The following SSC4D variants were observed in gnomAD, a reference collection of about 807,000 sequenced individuals.
SSC4D encodes the protein scavenger receptor cysteine rich family member with 4 domains.
Under a neutral mutation model 63.4 loss-of-function variants are expected in SSC4D, and 57 were observed. The ratio of observed to expected loss-of-function variants is 0.90; its 90% confidence interval spans 0.73 to 1.12. The LOEUF is 1.12. Among genes scored for constraint, SSC4D ranks in the 50% most tolerant of loss-of-function variants. The pLI is 0.00. For missense variants in SSC4D, 791 were observed against 806.4 expected, an observed-to-expected ratio of 0.98 and a Z score of 0.23; for synonymous variants, 352 against 345.4, an observed-to-expected ratio of 1.02 and a Z score of -0.21.
intron 9 of SSC4D, among the ~76,000 whole-genome samples, chr7:76,392,812 A>G (rs1266305427): frequency 6.6e-6 from 1 of 151,930 alleles, no homozygotes. Flanking sequence ...AAAAAAAGAA[A>G]TAGGTGTTGT....
rs761805787 is a variant in SSC4D at position 76,390,351 on chromosome 7, G to C, written c.1436C>G (p.Ala479Gly). 11 of 1,599,342 alleles carry C rather than the reference G, an allele frequency of 6.9e-6. No individual in the cohort carries two copies. The South Asian group carries it at 1.2e-4, about 18-fold the overall frequency. Reference sequence around the variant, plus strand: ...CTCTACACGTCCCTCGCATCGGTGGGCTCCATTGACCAGACGTAGATGCCC... The same window carrying C: ...CTCTACACGTCCCTCGCATCGGTGGCCTCCATTGACCAGACGTAGATGCCC... Reference protein sequence around the residue: ...RDGHLRLVNGAHRCEGRVELY... With the variant: ...RDGHLRLVNGGHRCEGRVELY... Residue 479 changes from alanine to glycine, a missense_variant, in exon 11 of 11, where the codon GCC (alanine) becomes GGC (glycine). By Grantham distance (60) the Ala-to-Gly change is moderately conservative. Transcript: ENST00000275560.
At chr7:76,405,476 C>T (rs572477414) in intron 1 of SSC4D, among the ~76,000 whole-genome samples, 1 of 148,316 alleles carries the variant, frequency 6.7e-6, no homozygotes, top group Non-Finnish European at 1.5e-5. Flanking sequence ...GCCACCGTGC[C>T]AGCCCAGAAC....
At chr7:76,394,214 A>G (rs1804576021) in intron 7 of SSC4D, among the ~76,000 whole-genome samples, 1 of 151,964 alleles carries the variant, frequency 6.6e-6, no homozygotes, top group African/African-American at 2.4e-5. Context: ...AGGTCTCTCA[A>G]TTCCCAATCT....
chr7:76,401,542 G>A (rs1016696482), intron 2 of SSC4D, among the ~76,000 whole-genome samples: 3 of 152,004 alleles, frequency 2.0e-5, no homozygotes, highest in East Asian at 1.9e-4. Flanking sequence ...TCAGCCTCCC[G>A]AGTAGCTGGG....
At chr7:76,400,916 C>T in intron 3 of SSC4D, 92 bp downstream of exon 3, 3 of 1,500,336 alleles carry the variant, frequency 2.0e-6, no homozygotes, top group Non-Finnish European at 2.7e-6. Context: ...TCAAGGGGGG[C>T]TGGTTAGTCA....
chr7:76,389,966 G>A lies in SSC4D; in HGVS notation c.*93C>T. ...CCCAGGCAAGGGAAGGAGGGGCAAA[G>A]TGAACTGTAGTCATCACAAGAGGAG... On this transcript the variant is annotated 3_prime_UTR_variant, in exon 11 of 11. Transcript: ENST00000275560. The A allele has an allele frequency of 6.5e-7, 1 of 1,528,590 alleles. No individual in the cohort carries two copies. The highest frequency in any genetic ancestry group is 8.9e-7 in the Non-Finnish European group (1 of 1,117,468). 94.7% of individuals were successfully genotyped at this position (1,528,590 alleles called of 1,614,324 possible). A position where few individuals can be genotyped will look rare whatever the true frequency, so the allele number is the denominator to read the frequency against.
chr7:76,390,547 A>G (rs1438953131), intron 10 of SSC4D, among the ~76,000 whole-genome samples, 172 bp from the exon 11 acceptor site: 1 of 152,196 alleles, frequency 6.6e-6, no homozygotes, highest in African/African-American at 2.4e-5. Context: ...GCTGGGCACA[A>G]TGGCTCACGC....
At chr7:76,404,618 C>T in intron 1 of SSC4D, 113 bp from the exon 2 acceptor site, 2 of 812,024 alleles carry the variant, frequency 2.5e-6, no homozygotes, top group Non-Finnish European at 3.8e-6. Flanking sequence ...ATAGTGAGAC[C>T]CCCATCTCTA....
chr7:76,397,803 C>A lies in SSC4D; in HGVS notation c.583G>T (p.Ala195Ser). ...TCCACTCGGCCCTGACACAGGTTCGCGCCCCCTACCAGGCGTACGCTGCCC... is the reference window on the plus strand; with the variant it reads ...TCCACTCGGCCCTGACACAGGTTCGAGCCCCCTACCAGGCGTACGCTGCCC... The part of the protein sequence containing the change: ...SEGSVRLVGG[A>S]NLCQGRVEIL... Residue 195 changes from alanine to serine, a missense_variant, in exon 6 of 11, where the codon GCG (alanine) becomes TCG (serine). Transcript: ENST00000275560. 6.3e-7 allele frequency: 1 copy of A among 1,598,390 alleles called. No homozygotes were observed.
chr7:76,397,494 G>T (rs746924139), intron 6 of SSC4D, 24 bp downstream of exon 6: 841 of 1,289,788 alleles, frequency 6.5e-4, no homozygotes, highest in Non-Finnish European at 7.2e-4. Context: ...CCCCGGCCCC[G>T]CCCATCGCCC....
intron 9 of SSC4D, among the ~76,000 whole-genome samples, chr7:76,392,884 C>T (rs1804523289): frequency 6.6e-6 from 1 of 152,046 alleles, no homozygotes; most frequent in Admixed American, 6.6e-5. Flanking sequence ...GGAAGTAGGG[C>T]CTACTAGCCC....
At chr7:76,398,859 G>A (rs966757042) in intron 4 of SSC4D, 62 bp from the exon 5 acceptor site, 3 of 1,564,626 alleles carry the variant, frequency 1.9e-6, no homozygotes, top group African/African-American at 2.7e-5. Context: ...ACCACGGGGT[G>A]TTTAAGGGGC....
chr7:76,400,283 C>A lies in SSC4D; in HGVS notation c.475+3G>T. ...TCCCTCCAGGTCCCAGGGCTCCACTCACCATCACACAGGACAGCCACATCC... is the reference window on the plus strand; with the variant it reads ...TCCCTCCAGGTCCCAGGGCTCCACTAACCATCACACAGGACAGCCACATCC... On this transcript the variant is annotated splice_donor_region_variant and intron_variant, in intron 4 of 10. Transcript: ENST00000275560. 2 of 1,463,616 alleles carry A rather than the reference C, an allele frequency of 1.4e-6. No individual in the cohort carries two copies. The highest frequency in any genetic ancestry group is 1.5e-5 in the South Asian group (1 of 68,450). 90.7% of individuals were successfully genotyped at this position (1,463,616 alleles called of 1,614,324 possible).
In SSC4D at chr7:76,393,653, G is replaced by A; in HGVS notation, c.1085C>T (p.Ala362Val). The change falls in exon 9 of 11, where the codon GCC becomes GTC. Residue 362 changes from alanine to valine, a missense_variant. By Grantham distance (64) the Ala-to-Val change is moderately conservative. Coordinates refer to ENST00000275560, the MANE Select transcript of SSC4D (RefSeq NM_080744.2). ...GTCGCACACGGTGCCCCAGCCCCCG[G>A]CGTGCAACACCTCCACGCGGCCGCG... ...PCRGRVEVLH[A>V]GGWGTVCDDD... The A allele has an allele frequency of 6.8e-7, 1 of 1,476,994 alleles. No homozygotes were observed. Among genetic ancestry groups the A allele is most frequent in the Non-Finnish European group, 8.9e-7 (1 of 1,119,582 alleles). 91.5% of individuals were successfully genotyped at this position (1,476,994 alleles called of 1,614,324 possible).
At chr7:76,406,237 C>T (rs1007037251) in intron 1 of SSC4D, among the ~76,000 whole-genome samples, 8 of 152,246 alleles carry the variant, frequency 5.3e-5, no homozygotes, top group African/African-American at 1.9e-4. Context: ...CTCAGCCTCC[C>T]AAAGTGCTGG....
chr7:76,390,593 G>A (rs1162386693), intron 10 of SSC4D, among the ~76,000 whole-genome samples: 1 of 152,198 alleles, frequency 6.6e-6, no homozygotes, highest in East Asian at 1.9e-4. Flanking sequence ...CGAGGCAGGC[G>A]GATCACGAGA....
intron 6 of SSC4D, among the ~76,000 whole-genome samples, chr7:76,396,652 G>A (rs1439292681): frequency 6.6e-6 from 1 of 152,208 alleles, no homozygotes; most frequent in Non-Finnish European, 1.5e-5. Flanking sequence ...GTGTGACCAT[G>A]GGCAAGGCTC....
intron 6 of SSC4D, 115 bp downstream of exon 6, chr7:76,397,403 A>T: frequency 7.7e-7 from 1 of 1,299,774 alleles, no homozygotes; most frequent in East Asian, 2.6e-5. Flanking sequence ...GGGGAGCATC[A>T]AGACAGCCAA....
At position 76,393,533 on chromosome 7, in the gene SSC4D, C is replaced by A; in HGVS notation, c.1205G>T (p.Gly402Val). Reference protein sequence around the residue: ...GATGLGHFGYGRGPVLLDNVG... With the variant: ...GATGLGHFGYVRGPVLLDNVG... ...GTTGTCCAGCAGCACGGGGCCGCGG[C>A]CGTAGCCGAAGTGGCCCAGTCCCGT... Residue 402 changes from glycine to valine, a missense_variant, in exon 9 of 11, where the codon GGC (glycine) becomes GTC (valine). Gly to Val is a moderately radical substitution (Grantham distance 109, BLOSUM62 -3). Transcript: ENST00000275560. 1 of 1,524,028 alleles carries A rather than the reference C, an allele frequency of 6.6e-7. No individual in the cohort carries two copies. Among genetic ancestry groups the A allele is most frequent in the East Asian group, 2.5e-5 (1 of 39,446 alleles). 94.4% of individuals were successfully genotyped at this position (1,524,028 alleles called of 1,614,324 possible).
Sources: gnomAD v4.1 joint callset for allele counts (sites outside exome capture counted in the v4.1 genomes callset) on GRCh38, gnomAD v4.1.1 for gene constraint, MANE v1.5 for transcripts, NCBI Gene and HGNC (gene_info 2026-07-23, HGNC 2026-07-21) for gene names.